Variants in SNRPN observed in about 807,000 individuals in gnomAD.
The protein encoded by SNRPN is small nuclear ribonucleoprotein polypeptide N.
In SNRPN, 7 loss-of-function variants were observed where a neutral mutation model predicts 25.2. The observed-to-expected ratio is 0.28, with a 90% confidence interval of 0.16 to 0.52. The LOEUF is 0.52. SNRPN is among the 20% of genes least tolerant of loss of function. SNRPN has a pLI of 0.96. For synonymous variants in SNRPN, 124 were observed against 110.6 expected, an observed-to-expected ratio of 1.12 and a Z score of -0.76; for missense variants, 196 against 322.5, an observed-to-expected ratio of 0.61 and a Z score of 3.00.
At chr15:24,877,692 ACACAAAC>A (rs1595630502) in intron 1 of SNRPN, among the ~76,000 whole-genome samples, 21 of 149,380 alleles carry the variant, frequency 1.4e-4, no homozygotes, top group South Asian at 4.3e-4. Flanking sequence ...ACACACACAC[ACACAAAC>A]ACACTAGCCG....
chr15:24,879,266 C>G (rs1465983145), intron 1 of SNRPN, among the ~76,000 whole-genome samples: 1 of 151,938 alleles, frequency 6.6e-6, no homozygotes, highest in Non-Finnish European at 1.5e-5. Flanking sequence ...GAAACCTCGT[C>G]TCTACTAAAA....
rs202062268 is a variant in SNRPN at position 24,872,871 on chromosome 15, CAAAAAAAAA to C, written c.-578-13628_-578-13620del. Among the ~76,000 whole-genome samples the C allele has an allele frequency of 1.3e-4, 8 of 59,334 alleles. 2 individuals are homozygous for C. Among genetic ancestry groups the C allele is most frequent in the African/African-American group, 2.9e-4 (5 of 17,012 alleles). 38.9% of individuals were successfully genotyped at this position (59,334 alleles called of 152,430 possible). On this transcript the variant is annotated intron_variant, in intron 1 of 11. Transcript: ENST00000400097. ...TGGGTGACAGAGCGAGACTCCGTCT[CAAAAAAAAA>C]AAAAAAAAAAAAAAAATAGTTTTCC...
intron 2 of SNRPN, among the ~76,000 whole-genome samples, chr15:24,847,237 A>G (rs2052285272): frequency 1.3e-5 from 2 of 152,174 alleles, no homozygotes; most frequent in Non-Finnish European, 2.9e-5. Context: ...CCTAGCATCA[A>G]CAGAAAGGGA....
intron 2 of SNRPN, among the ~76,000 whole-genome samples, chr15:24,846,099 T>C (rs942003658): frequency 6.7e-6 from 1 of 148,294 alleles, no homozygotes; most frequent in Non-Finnish European, 1.5e-5. Flanking sequence ...AAAAAAAAAA[T>C]TGATCCTTAA....
intron 3 of SNRPN, among the ~76,000 whole-genome samples, chr15:24,927,038 C>T (rs1359341486): frequency 2.6e-5 from 4 of 151,996 alleles, no homozygotes; most frequent in African/African-American, 9.7e-5. Context: ...AAAAAACCTA[C>T]CCTTTATCCA....
intron 3 of SNRPN, among the ~76,000 whole-genome samples, chr15:24,930,871 C>G (rs1467532867): frequency 2.0e-5 from 3 of 150,516 alleles, no homozygotes; most frequent in Non-Finnish European, 4.4e-5. Flanking sequence ...TGTACTCCAG[C>G]TTGGGCGACA....
intron 1 of SNRPN, among the ~76,000 whole-genome samples, chr15:24,827,159 G>T (rs1002424289): frequency 3.9e-5 from 6 of 152,072 alleles, no homozygotes; most frequent in Admixed American, 3.9e-4. Flanking sequence ...GTGAGTGAGT[G>T]AGTGAGTTGT....
At chr15:24,888,112 C>CTTTTTTTTTT (rs113183574) in intron 2 of SNRPN, among the ~76,000 whole-genome samples, 3 of 139,900 alleles carry the variant, frequency 2.1e-5, no homozygotes, top group Non-Finnish European at 4.6e-5. Flanking sequence ...TTAGAAATGA[C>CTTTTTTTTTT]TTTTTTTTTT....
intron 2 of SNRPN, among the ~76,000 whole-genome samples, chr15:24,835,016 A>T: frequency 1.5e-5 from 1 of 66,540 alleles, no homozygotes; most frequent in African/African-American, 5.3e-5. Flanking sequence ...ATATCTATAT[A>T]TAAAATAGAT....
chr15:24,937,701 A>G (rs2061321460), intron 3 of SNRPN, among the ~76,000 whole-genome samples: 2 of 152,152 alleles, frequency 1.3e-5, no homozygotes, highest in African/African-American at 4.8e-5. Context: ...AACCATCACC[A>G]CTGTCTAGCT....
chr15:24,923,758 A>C (rs1262097344), intron 3 of SNRPN, among the ~76,000 whole-genome samples: 1 of 152,082 alleles, frequency 6.6e-6, no homozygotes, highest in Non-Finnish European at 1.5e-5. Context: ...TCAGTATGAC[A>C]AGTCAGGATG....
At chr15:24,930,850 G>A (rs1174412415) in intron 3 of SNRPN, among the ~76,000 whole-genome samples, 26 of 151,074 alleles carry the variant, frequency 1.7e-4, no homozygotes, top group Non-Finnish European at 3.8e-4. Flanking sequence ...AGCGAGCCAA[G>A]ATTGTGCCAC....
At chr15:24,837,269 T>C (rs769478629) in intron 2 of SNRPN, among the ~76,000 whole-genome samples, 3 of 152,094 alleles carry the variant, frequency 2.0e-5, no homozygotes, top group Non-Finnish European at 4.4e-5. Flanking sequence ...AACCTACCTA[T>C]AGGTGGGACT....
intron 3 of SNRPN, among the ~76,000 whole-genome samples, chr15:24,969,755 A>G (rs1169867559): frequency 6.6e-6 from 1 of 152,228 alleles, no homozygotes; most frequent in Non-Finnish European, 1.5e-5. Flanking sequence ...CTCAACTGCT[A>G]GTTCTACCTA....
chr15:24,928,901 C>T (rs2060602521), intron 3 of SNRPN, among the ~76,000 whole-genome samples: 1 of 152,118 alleles, frequency 6.6e-6, no homozygotes, highest in African/African-American at 2.4e-5. Flanking sequence ...AGCCATCACT[C>T]CCAGCTCCAA....
At chr15:24,904,056 C>T (rs1334391566) in intron 2 of SNRPN, among the ~76,000 whole-genome samples, 1 of 148,436 alleles carries the variant, frequency 6.7e-6, no homozygotes, top group Admixed American at 6.7e-5. Flanking sequence ...AAAAAAAGAT[C>T]GGAGCAAGAA....
chr15:24,891,083 G>A (rs2057629312), intron 2 of SNRPN, among the ~76,000 whole-genome samples: 1 of 152,004 alleles, frequency 6.6e-6, no homozygotes, highest in South Asian at 2.1e-4. Flanking sequence ...GCTAATGTTT[G>A]TATTTTTAGT....
At chr15:24,955,175 C>T in intron 1 of SNRPN, 113 bp downstream of exon 1, 1 of 1,419,044 alleles carries the variant, frequency 7.0e-7, no homozygotes, top group Non-Finnish European at 9.8e-7. Flanking sequence ...GAATTTGGGC[C>T]CTAAAGTCCT....
At chr15:24,889,468 A>G (rs181789302) in intron 2 of SNRPN, among the ~76,000 whole-genome samples, 2,425 of 150,974 alleles carry the variant, frequency 0.016, 65 homozygotes, top group African/African-American at 0.056. Flanking sequence ...ACGCCCAGCT[A>G]ATTTTTTTTT....
Sources: allele counts gnomAD v4.1 joint callset (sites outside exome capture counted in the v4.1 genomes callset), GRCh38; gene constraint gnomAD v4.1.1; transcripts MANE v1.5; gene names NCBI Gene and HGNC (gene_info 2026-07-23, HGNC 2026-07-21).